NKIRAS1: variants seen among roughly 807,000 people sequenced by gnomAD.
NKIRAS1 encodes NF-kappa-B inhibitor-interacting Ras-like protein 1.
Under a neutral mutation model 19.8 loss-of-function variants are expected in NKIRAS1, and 16 were observed. That is an observed-to-expected ratio of 0.81 (90% CI 0.55 to 1.23). The LOEUF (loss-of-function observed/expected upper bound fraction) is 1.23, where lower values mean the gene tolerates loss of function less well. NKIRAS1 is among the 50% of genes most tolerant of loss of function. The pLI, the probability that NKIRAS1 is intolerant of heterozygous loss-of-function variation, is 0.00. For synonymous variants in NKIRAS1, 88 were observed against 79.0 expected (o/e 1.11, Z -0.61); for missense variants, 184 against 220.0 (o/e 0.84, Z 1.04).
intron 1 of NKIRAS1, among the ~76,000 whole-genome samples, chr3:23,942,249 G>C (rs1487277534): frequency 6.6e-6 from 1 of 152,084 alleles, no homozygotes; most frequent in African/African-American, 2.4e-5. Context: ...AAAGTGCTGG[G>C]ATTACAAGCG....
intron 1 of NKIRAS1, among the ~76,000 whole-genome samples, chr3:23,913,348 C>T (rs917466461): frequency 2.0e-5 from 3 of 152,046 alleles, no homozygotes; most frequent in Non-Finnish European, 4.4e-5. Context: ...GAACAGACCT[C>T]ATTAAATATT....
chr3:23,920,134 A>G, upstream of NKIRAS1: 1 of 985,298 alleles, frequency 1.0e-6, no homozygotes, highest in Non-Finnish European at 1.2e-6. Context: ...CTAGCAATGA[A>G]TGCTAGGGTG....
At chr3:23,908,965 A>C (rs1220679771) in intron 3 of NKIRAS1, among the ~76,000 whole-genome samples, 5 of 151,472 alleles carry the variant, frequency 3.3e-5, no homozygotes, top group Admixed American at 3.3e-4. Context: ...AAGTGCTGAG[A>C]TTACCAAGCT....
upstream of NKIRAS1, chr3:23,917,623 C>T (rs1314181419): frequency 4.2e-6 from 2 of 474,528 alleles, no homozygotes; most frequent in Admixed American, 4.1e-5. Flanking sequence ...TAATTCGCCC[C>T]ACCAAAACGT....
chr3:23,944,968 C>CGT (rs909249151), intron 1 of NKIRAS1, among the ~76,000 whole-genome samples: 2 of 150,896 alleles, frequency 1.3e-5, no homozygotes, highest in Non-Finnish European at 2.9e-5. Context: ...GGGGGCAGGG[C>CGT]GTGGAGAGGA....
At chr3:23,896,309 CA>C (rs1019208029) in intron 4 of NKIRAS1, among the ~76,000 whole-genome samples, 5 of 151,624 alleles carry the variant, frequency 3.3e-5, no homozygotes, top group African/African-American at 1.2e-4. Context: ...CATACAAACA[CA>C]ATCTTATCTA....
intron 3 of NKIRAS1, among the ~76,000 whole-genome samples, chr3:23,904,033 T>C (rs1346237740): frequency 6.6e-6 from 1 of 152,126 alleles, no homozygotes; most frequent in African/African-American, 2.4e-5. Flanking sequence ...GGCACGGTGG[T>C]GCGCACCTGT....
rs73150243 is a variant in NKIRAS1, at chr3:23,899,267, A to C, written c.336+1541T>G. ...TTCTGTGTCTTGACTGAATCAACAC[A>C]AATACGGTGGTTATGATGTACTAGA... is the stretch of plus-strand genomic sequence containing the variant. On this transcript the variant is annotated intron_variant, in intron 4 of 4. Transcript: ENST00000425478. Among the ~76,000 whole-genome samples the C allele has an allele frequency of 5.5e-3, 831 of 152,302 alleles. 6 individuals are homozygous for C. The highest frequency in any genetic ancestry group is 0.019 in the African/African-American group (792 of 41,556).
chr3:23,944,095 AG>A (rs993364016), intron 1 of NKIRAS1, among the ~76,000 whole-genome samples: 5 of 152,198 alleles, frequency 3.3e-5, no homozygotes, highest in African/African-American at 1.2e-4. Flanking sequence ...GGTGAGAAAC[AG>A]GGATTGAACA....
At chr3:23,902,726 C>T (rs1006677659) in intron 3 of NKIRAS1, among the ~76,000 whole-genome samples, 2 of 152,152 alleles carry the variant, frequency 1.3e-5, no homozygotes, top group Non-Finnish European at 2.9e-5. Context: ...TCCCACTCCA[C>T]GCTGCTGGGC....
intron 1 of NKIRAS1, among the ~76,000 whole-genome samples, chr3:23,945,931 A>G (rs1171991173): frequency 4.7e-5 from 7 of 148,754 alleles, no homozygotes; most frequent in African/African-American, 1.5e-4. Context: ...GCGGCATTAC[A>G]TAATGGGCGC....
At chr3:23,944,505 A>G (rs542589962) in intron 1 of NKIRAS1, among the ~76,000 whole-genome samples, 3 of 152,318 alleles carry the variant, frequency 2.0e-5, no homozygotes, top group South Asian at 4.1e-4. Flanking sequence ...CAGCACGCAT[A>G]CAATTTATGT....
chr3:23,932,706 A>G (rs11916633), intron 1 of NKIRAS1, among the ~76,000 whole-genome samples: 90,559 of 147,770 alleles, frequency 0.61, 28,275 homozygotes, highest in Middle Eastern at 0.75. Context: ...AAAAAAAAAA[A>G]AAGTAACTTC....
At position 23,896,982 on chromosome 3, in the gene NKIRAS1, G is replaced by T. The variant is rs563272923; in HGVS notation, c.337-3645C>A. 2.6e-5 allele frequency among the ~76,000 whole-genome samples: 4 copies of T among 152,264 alleles called. No homozygotes were observed. In the South Asian group the frequency reaches 8.3e-4, roughly 32 times the overall value. On this transcript the variant is annotated intron_variant, in intron 4 of 4. Coordinates refer to ENST00000425478, the MANE Select transcript of NKIRAS1 (RefSeq NM_020345.4). The stretch of plus-strand genomic sequence containing the variant: ...GCACTTTGGGAGGCCGAGGCAGGAG[G>T]ATCACTTGAAGCCAGGAGTTGGGAG...
intron 1 of NKIRAS1, among the ~76,000 whole-genome samples, chr3:23,943,141 TC>T (rs927326482): frequency 1.6e-4 from 24 of 152,248 alleles, no homozygotes; most frequent in Non-Finnish European, 3.4e-4. Flanking sequence ...CAGAATACTT[TC>T]CCTGCCCTAA....
At chr3:23,905,873 G>A (rs898513435) in intron 3 of NKIRAS1, among the ~76,000 whole-genome samples, 1 of 151,756 alleles carries the variant, frequency 6.6e-6, no homozygotes, top group South Asian at 2.1e-4. Flanking sequence ...CAAAACCAGG[G>A]AGAGGCCGGG....
rs72627068 is a variant in NKIRAS1 at position 23,898,826 on chromosome 3, A to G, written c.336+1982T>C. Among the ~76,000 whole-genome samples the G allele has an allele frequency of 5.9e-3, 903 of 152,266 alleles. 16 individuals are homozygous for G. The highest frequency in any genetic ancestry group is 0.049 in the East Asian group (251 of 5,174). ...TCCAGGGCCTGTTAGGAACCGGGCC[A>G]CACAACAGGAGGTGAGCAGGGAGCA... On this transcript the variant is annotated intron_variant, in intron 4 of 4. Transcript: ENST00000425478.
intron 4 of NKIRAS1, among the ~76,000 whole-genome samples, chr3:23,898,949 G>T (rs1309438445): frequency 6.6e-6 from 1 of 152,202 alleles, no homozygotes; most frequent in African/African-American, 2.4e-5. Context: ...ACATGTGAGG[G>T]ATCTAGGTTG....
intron 1 of NKIRAS1, among the ~76,000 whole-genome samples, chr3:23,944,351 AAG>A (rs1705569657): frequency 1.3e-5 from 2 of 151,058 alleles, no homozygotes; most frequent in South Asian, 2.1e-4. Flanking sequence ...GCAAACTGGA[AAG>A]AGTTTTACAA....
Sources: gnomAD v4.1 joint callset for allele counts (sites outside exome capture counted in the v4.1 genomes callset) on GRCh38, gnomAD v4.1.1 for gene constraint, MANE v1.5 for transcripts, NCBI Gene and HGNC (gene_info 2026-07-23, HGNC 2026-07-21) for gene names.